Variants in TBL1X observed in about 807,000 individuals in gnomAD.
TBL1X encodes F-box-like/WD repeat-containing protein TBL1X.
A neutral mutation model predicts 50.7 loss-of-function variants in TBL1X; 10 were observed. The ratio of observed to expected loss-of-function variants is 0.20; its 90% CI spans 0.12 to 0.33. The LOEUF (loss-of-function observed/expected upper bound fraction) is 0.33. Ranked by LOEUF, TBL1X falls within the 10% of genes least tolerant of loss-of-function variation. The probability of loss-of-function intolerance (pLI) is 1.00; values close to 1 mark genes in which losing one functional copy is unlikely to be tolerated. For synonymous variants in TBL1X, 190 were observed against 214.7 expected (o/e 0.88, Z 1.01); for missense variants, 340 against 504.4 (o/e 0.67, Z 3.12).
intron 2 of TBL1X, among the ~76,000 whole-genome samples, chrX:9,513,003 C>T (rs745439239): frequency 3.2e-4 from 35 of 110,669 alleles, no homozygotes; most frequent in Non-Finnish European, 5.9e-4. Flanking sequence ...TTTCCAGGAC[C>T]TTATGCGGCT....
At chrX:9,555,178 C>G (rs1159532586) in intron 2 of TBL1X, among the ~76,000 whole-genome samples, 1 of 111,081 alleles carries the variant, frequency 9.0e-6, no homozygotes, top group Non-Finnish European at 1.9e-5. Context: ...TGGGCTCAAT[C>G]AGTCCTCCCA....
In TBL1X at chrX:9,546,246, A is replaced by G. The variant is rs780754177; in HGVS notation, c.-131+44397A>G. ...TGGCAAACTATGGCTTGCCGTGGTG[A>G]CTCACGCCTGTAATACCAACACTTT... On this transcript the variant is annotated intron_variant, in intron 2 of 17. Coordinates refer to ENST00000645353, the MANE Select transcript of TBL1X (RefSeq NM_005647.4). 1.5e-4 allele frequency among the ~76,000 whole-genome samples: 17 copies of G among 112,081 alleles called. No homozygotes were observed. In the East Asian group the frequency reaches 1.7e-3, roughly 11 times the overall value.
At chrX:9,552,327 A>G (rs924239230) in intron 2 of TBL1X, among the ~76,000 whole-genome samples, 7 of 111,647 alleles carry the variant, frequency 6.3e-5, no homozygotes, top group Non-Finnish European at 1.1e-4. Flanking sequence ...CCATCAGTCT[A>G]TTTCTCTGTG....
intron 1 of TBL1X, among the ~76,000 whole-genome samples, chrX:9,479,936 GAA>G (rs2081870645): frequency 1.0e-5 from 1 of 95,658 alleles, no homozygotes; most frequent in Non-Finnish European, 2.1e-5. Context: ...AAGGAAAGTA[GAA>G]TGTGTGTGTG....
chrX:9,477,652 A>T (rs2081856704), intron 1 of TBL1X, among the ~76,000 whole-genome samples: 1 of 112,449 alleles, frequency 8.9e-6, no homozygotes, highest in South Asian at 3.7e-4. Context: ...AAATTAAGTC[A>T]GTTTTCTTAA....
rs776361070 is a variant in TBL1X, at chrX:9,717,865, ATTTC to A, written c.*1623_*1626del. 2.7e-5 allele frequency: 3 copies of A among 112,173 alleles called. No homozygotes were observed. The highest frequency in any genetic ancestry group is 5.6e-5 in the Non-Finnish European group (3 of 53,276). 9.2% of individuals were successfully genotyped at this position (112,173 alleles called of 1,213,427 possible). A position where few individuals can be genotyped will look rare whatever the true frequency, so the allele number is the denominator to read the frequency against. On this transcript the variant is annotated 3_prime_UTR_variant, in exon 18 of 18. Transcript: ENST00000645353. ...GCTAATAATTTCTGCCATCTTTATA[ATTTC>A]TTTGTCTCACAGAAGACTAGGAGAA...
At position 9,491,331 on chromosome X, in the gene TBL1X, TATATATA is replaced by T. The variant is rs1198705337; in HGVS notation, c.-200-10448_-200-10442del. Among the ~76,000 whole-genome samples the T allele has an allele frequency of 3.2e-3, 93 of 28,885 alleles. 1 individual carries two copies. Among genetic ancestry groups the T allele is most frequent in the African/African-American group, 0.012 (88 of 7,439 alleles). 25.1% of individuals were successfully genotyped at this position (28,885 alleles called of 115,157 possible). On this transcript the variant is annotated intron_variant, in intron 1 of 17. Transcript: ENST00000645353. ...TTATATATATATATATATATATATA[TATATATA>T]TTTTTTTTTTTTTTTTCTTTGAGAC...
intron 2 of TBL1X, among the ~76,000 whole-genome samples, chrX:9,558,861 A>G (rs997620644): frequency 3.6e-5 from 4 of 111,915 alleles, no homozygotes; most frequent in African/African-American, 1.3e-4. Flanking sequence ...TGTATTGTTT[A>G]TCCACTCATA....
intron 2 of TBL1X, among the ~76,000 whole-genome samples, chrX:9,514,616 G>A (rs143760595): frequency 1.0e-3 from 116 of 112,066 alleles, no homozygotes; most frequent in African/African-American, 3.7e-3. Context: ...CTCACACTGC[G>A]TTGCAAACAT....
At chrX:9,628,995 G>C (rs1251382543) in intron 2 of TBL1X, among the ~76,000 whole-genome samples, 1 of 112,858 alleles carries the variant, frequency 8.9e-6, no homozygotes, top group Non-Finnish European at 1.9e-5. Flanking sequence ...GTTGCCCTCA[G>C]GCACCTGTGG....
chrX:9,550,036 C>T (rs942763925), intron 2 of TBL1X, among the ~76,000 whole-genome samples: 4 of 111,734 alleles, frequency 3.6e-5, no homozygotes, highest in East Asian at 2.8e-4. Flanking sequence ...GGGCACAATG[C>T]GCAGAGGGTT....
chrX:9,633,237 AAAT>A (rs2082730066), intron 2 of TBL1X, among the ~76,000 whole-genome samples: 1 of 112,253 alleles, frequency 8.9e-6, no homozygotes, highest in South Asian at 3.7e-4. Context: ...ATTATTAAGA[AAAT>A]AATATAGAAC....
At chrX:9,528,858 C>T (rs1391737518) in intron 2 of TBL1X, among the ~76,000 whole-genome samples, 2 of 109,844 alleles carry the variant, frequency 1.8e-5, no homozygotes, top group Non-Finnish European at 3.8e-5. Context: ...TCCACATTGC[C>T]CATTCACTGG....
At chrX:9,701,340 C>T (rs1174027400) in intron 12 of TBL1X, among the ~76,000 whole-genome samples, 4 of 109,551 alleles carry the variant, frequency 3.7e-5, no homozygotes, top group Non-Finnish European at 7.6e-5. Context: ...GGAGGGAGGG[C>T]ACAGAGGCCC....
intron 1 of TBL1X, among the ~76,000 whole-genome samples, chrX:9,496,262 A>G (rs1183466609): frequency 8.9e-6 from 1 of 111,998 alleles, no homozygotes; most frequent in Non-Finnish European, 1.9e-5. Flanking sequence ...ACCACAATGC[A>G]TAACTGATAA....
In TBL1X at chrX:9,467,971, C is replaced by T. The variant is rs150029848; in HGVS notation, c.-201+2524C>T. Among the ~76,000 whole-genome samples the T allele has an allele frequency of 8.5e-3, 957 of 112,436 alleles. 15 individuals carry two copies. Among genetic ancestry groups the T allele is most frequent in the African/African-American group, 0.029 (911 of 30,951 alleles). On this transcript the variant is annotated intron_variant, in intron 1 of 17. Transcript: ENST00000645353. ...GCGGGAGCCTGACTTCAGATGCCTG[C>T]GCCTCCCAAGCTGGCCCCCTCCCAC... is the stretch of plus-strand genomic sequence containing the variant.
intron 2 of TBL1X, among the ~76,000 whole-genome samples, chrX:9,635,814 A>AC (rs2082743680): frequency 8.9e-6 from 1 of 111,902 alleles, no homozygotes; most frequent in African/African-American, 3.3e-5. Context: ...ACTCAGGTAA[A>AC]GAAGGATAAA....
intron 2 of TBL1X, among the ~76,000 whole-genome samples, chrX:9,545,796 C>T (rs1228998138): frequency 9.0e-6 from 1 of 110,905 alleles, no homozygotes; most frequent in Non-Finnish European, 1.9e-5. Context: ...AGTATGCTGT[C>T]ACATGTAAAT....
intron 2 of TBL1X, among the ~76,000 whole-genome samples, chrX:9,596,146 TG>T (rs1172498398): frequency 4.5e-5 from 5 of 112,322 alleles, no homozygotes; most frequent in Non-Finnish European, 9.4e-5. Flanking sequence ...ACCAAACTGT[TG>T]TATTAGCCAG....
Sources: gnomAD v4.1 joint callset for allele counts (sites outside exome capture counted in the v4.1 genomes callset) on GRCh38, gnomAD v4.1.1 for gene constraint, MANE v1.5 for transcripts, NCBI Gene and HGNC (gene_info 2026-07-23, HGNC 2026-07-21) for gene names.